The following CDC14B variants were observed in gnomAD, a reference collection of about 807,000 sequenced individuals.
CDC14B encodes the protein dual specificity protein phosphatase CDC14B.
CDC14B carries 22 observed loss-of-function variants against 64.2 expected under a neutral mutation model. That is an observed-to-expected ratio of 0.34 (90% CI 0.24 to 0.49). The LOEUF is 0.49. CDC14B is among the 20% of genes least tolerant of loss of function. CDC14B has a pLI of 0.99. For missense variants in CDC14B, 498 were observed against 629.9 expected (o/e 0.79, Z 2.24); for synonymous variants, 191 against 215.8 (o/e 0.89, Z 1.01).
chr9:96,560,792 G>C (rs1214986508), intron 4 of CDC14B, among the ~76,000 whole-genome samples: 1 of 146,950 alleles, frequency 6.8e-6, no homozygotes, highest in Non-Finnish European at 1.5e-5. Context: ...TTTGCTGCAA[G>C]TACGAGAAAC....
chr9:96,579,041 C>T (rs78441108), intron 1 of CDC14B, among the ~76,000 whole-genome samples: 10 of 152,220 alleles, frequency 6.6e-5, no homozygotes, highest in African/African-American at 2.2e-4. Context: ...TGGTCTCGAA[C>T]TCTTGACTTC....
Position 96,619,211 on chromosome 9 carries a change from C to A in CDC14B, c.160+8G>T. 1 of 1,284,954 alleles carries A rather than the reference C, an allele frequency of 7.8e-7. No individual in the cohort carries two copies. Among genetic ancestry groups the A allele is most frequent in the Non-Finnish European group, 9.9e-7 (1 of 1,012,122 alleles). 79.6% of individuals were successfully genotyped at this position (1,284,954 alleles called of 1,614,324 possible). On this transcript the variant is annotated splice_region_variant and intron_variant, in intron 1 of 13. Coordinates refer to ENST00000375241, the MANE Select transcript of CDC14B (RefSeq NM_033331.4). ...CGGGGCCCTCCGCGCGCCCACTGGC[C>A]GGCTCACCGGTGATGTCCAGGTACA...
Position 96,552,568 on chromosome 9 carries a change from A to G in CDC14B, c.421-696T>C, listed in dbSNP as rs1841969385. Among the ~76,000 whole-genome samples the G allele has an allele frequency of 2.0e-5, 3 of 151,780 alleles. No individual in the cohort carries two copies. In the South Asian group the frequency reaches 6.2e-4, roughly 32 times the overall value. ...TTTGGTCTGCAGTCATTTCCTCTTG[A>G]TAGTTTCTAGATAACGTTCTCATGT... On this transcript the variant is annotated intron_variant, in intron 4 of 13. Transcript: ENST00000375241.
chr9:96,551,985 C>A, intron 4 of CDC14B, 113 bp from the exon 5 acceptor site: 1 of 1,353,744 alleles, frequency 7.4e-7, no homozygotes, highest in Non-Finnish European at 9.8e-7. Flanking sequence ...GTTCTCCAGC[C>A]TTCCCCAGGA....
intron 1 of CDC14B, among the ~76,000 whole-genome samples, chr9:96,603,868 C>T (rs1012907248): frequency 2.6e-5 from 4 of 152,206 alleles, no homozygotes; most frequent in Non-Finnish European, 5.9e-5. Context: ...CCTGTGATCT[C>T]CCTATTGCCT....
intron 1 of CDC14B, among the ~76,000 whole-genome samples, chr9:96,573,706 T>C (rs1185767812): frequency 6.6e-6 from 1 of 152,204 alleles, no homozygotes; most frequent in Non-Finnish European, 1.5e-5. Context: ...CCTGACATGC[T>C]AATACATGTA....
At chr9:96,532,429 G>A (rs1184839911) in intron 9 of CDC14B, among the ~76,000 whole-genome samples, 2 of 152,160 alleles carry the variant, frequency 1.3e-5, no homozygotes, top group East Asian at 3.8e-4. Flanking sequence ...TGGCATTATA[G>A]CTTGATTATA....
At chr9:96,543,226 C>T (rs1263410525) in intron 5 of CDC14B, among the ~76,000 whole-genome samples, 3 of 151,820 alleles carry the variant, frequency 2.0e-5, no homozygotes, top group African/African-American at 7.3e-5. Flanking sequence ...GTCCCAGCTA[C>T]TCCGAGGCTG....
chr9:96,572,335 G>A (rs555329872), intron 1 of CDC14B, among the ~76,000 whole-genome samples: 24 of 152,266 alleles, frequency 1.6e-4, no homozygotes, highest in African/African-American at 4.1e-4. Flanking sequence ...GCTGAGGCCC[G>A]GACTTGTGAC....
intron 1 of CDC14B, among the ~76,000 whole-genome samples, chr9:96,582,520 G>A (rs943157958): frequency 2.0e-5 from 3 of 152,142 alleles, no homozygotes; most frequent in East Asian, 1.9e-4. Flanking sequence ...TGTAAGGTAC[G>A]GTTCCAGTCA....
rs114207532 is a variant in CDC14B at position 96,593,603 on chromosome 9, C to T, written c.160+25616G>A. Among the ~76,000 whole-genome samples the T allele has an allele frequency of 4.3e-3, 650 of 150,958 alleles. 5 individuals carry two copies. The highest frequency in any genetic ancestry group is 0.015 in the African/African-American group (615 of 41,064). Reference sequence around the variant, plus strand: ...TAATTAACAGGATTTTTTGTTTCTTCGTGGAAGGCAAGTGGATCCTAAAGT... The same window carrying T: ...TAATTAACAGGATTTTTTGTTTCTTTGTGGAAGGCAAGTGGATCCTAAAGT... On this transcript the variant is annotated intron_variant, in intron 1 of 13. Transcript: ENST00000375241.
chr9:96,608,429 CAAT>C lies in CDC14B; in HGVS notation c.160+10787_160+10789del, dbSNP rs1214854607. Among the ~76,000 whole-genome samples, 10 of 152,226 alleles carry C rather than the reference CAAT, an allele frequency of 6.6e-5. No individual in the cohort carries two copies. In the South Asian group the frequency reaches 1.9e-3, roughly 28 times the overall value. ...AACAAACTATCTAATGACAGTATTA[CAAT>C]AATAAATTCCAAGAGCAAACTGAGA... On this transcript the variant is annotated intron_variant, in intron 1 of 13. Coordinates refer to ENST00000375241, the MANE Select transcript of CDC14B (RefSeq NM_033331.4).
At chr9:96,536,047 C>G (rs945482189) in intron 7 of CDC14B, among the ~76,000 whole-genome samples, 1 of 152,234 alleles carries the variant, frequency 6.6e-6, no homozygotes, top group Non-Finnish European at 1.5e-5. Flanking sequence ...CTAGATTTCA[C>G]TGAATTGCTG....
At position 96,523,366 on chromosome 9, in the gene CDC14B, C is replaced by A; in HGVS notation, c.1140G>T (p.Gly380=). The A allele has an allele frequency of 6.2e-7, 1 of 1,614,126 alleles. No homozygotes were observed. The highest frequency in any genetic ancestry group is 8.5e-7 in the Non-Finnish European group (1 of 1,179,998). The change falls in exon 11 of 14, where the codon GGG becomes GGT. Residue 380 remains glycine (G), a synonymous_variant. Coordinates refer to ENST00000375241, the MANE Select transcript of CDC14B (RefSeq NM_033331.4). ...EGDYFRQKLK[G]QENGQHRAAF... is the part of the protein sequence containing the mutation. ...CTGCTCTGTGTTGTCCATTCTCCTGCCCCTTTAACTTCTGACGAAAATAGT... is the reference window on the plus strand; with the variant it reads ...CTGCTCTGTGTTGTCCATTCTCCTGACCCTTTAACTTCTGACGAAAATAGT...
At chr9:96,512,290 T>C (rs1357518156) in intron 12 of CDC14B, among the ~76,000 whole-genome samples, 1 of 151,620 alleles carries the variant, frequency 6.6e-6, no homozygotes, top group East Asian at 1.9e-4. Flanking sequence ...TGAATTCTAC[T>C]TCTAAAAACA....
At chr9:96,535,596 A>C (rs1230420987) in intron 7 of CDC14B, among the ~76,000 whole-genome samples, 2 of 152,140 alleles carry the variant, frequency 1.3e-5, no homozygotes, top group Non-Finnish European at 2.9e-5. Flanking sequence ...GAAGGAGAGG[A>C]CTCGTGATTA....
intron 1 of CDC14B, among the ~76,000 whole-genome samples, chr9:96,614,318 TG>T (rs1847496691): frequency 1.3e-5 from 2 of 151,990 alleles, no homozygotes; most frequent in African/African-American, 4.8e-5. Flanking sequence ...CACAGCTCAT[TG>T]CAGCCTTGAA....
chr9:96,506,142 T>G (rs1834096777), intron 13 of CDC14B, among the ~76,000 whole-genome samples: 1 of 152,192 alleles, frequency 6.6e-6, no homozygotes, highest in Admixed American at 6.5e-5. Flanking sequence ...CTGGTAAACC[T>G]GCTACGTTGC....
At chr9:96,555,703 C>T (rs112324814) in intron 4 of CDC14B, among the ~76,000 whole-genome samples, 3 of 151,836 alleles carry the variant, frequency 2.0e-5, no homozygotes, top group African/African-American at 7.3e-5. Flanking sequence ...GATAAAGACT[C>T]TCTCTGAACG....
Sources: gnomAD v4.1 joint callset for allele counts (sites outside exome capture counted in the v4.1 genomes callset) on GRCh38, gnomAD v4.1.1 for gene constraint, MANE v1.5 for transcripts, NCBI Gene and HGNC (gene_info 2026-07-23, HGNC 2026-07-21) for gene names.